PCDHGB5: variants seen among roughly 807,000 people sequenced by gnomAD.
PCDHGB5 encodes protocadherin gamma subfamily B, 5.
PCDHGB5 carries 48 observed loss-of-function variants against 62.9 expected under a neutral mutation model. That is an observed-to-expected ratio of 0.76 (90% CI 0.61 to 0.97). The LOEUF (loss-of-function observed/expected upper bound fraction) is 0.97. Among genes scored for constraint, PCDHGB5 ranks in the 50% least tolerant of loss-of-function variants. The pLI is 0.00. For synonymous variants in PCDHGB5, 474 were observed against 511.2 expected (o/e 0.93, Z 0.98); for missense variants, 1,118 against 1,198.6 (o/e 0.93, Z 0.99).
At chr5:141,461,394 G>A (rs2099014614) in intron 1 of PCDHGB5, among the ~76,000 whole-genome samples, 1 of 152,098 alleles carries the variant, frequency 6.6e-6, no homozygotes. Flanking sequence ...GATTAGCGAT[G>A]TTGAGCATTT....
At chr5:141,422,473 G>A (rs2096650443) in intron 1 of PCDHGB5, 7 of 1,613,740 alleles carry the variant, frequency 4.3e-6, no homozygotes, top group Non-Finnish European at 5.1e-6. Context: ...CAGGGAGTTG[G>A]TCCAGAGCTA....
intron 2 of PCDHGB5, among the ~76,000 whole-genome samples, chr5:141,496,467 TC>T (rs1289225541): frequency 1.3e-5 from 2 of 152,176 alleles, no homozygotes; most frequent in Admixed American, 1.3e-4. Flanking sequence ...GAGTTATCTT[TC>T]CCCCATCCTG....
Position 141,400,290 on chromosome 5 carries a change from C to T in PCDHGB5, c.2163C>T (p.Ser721=). Residue 721 remains serine (S), a synonymous_variant, in exon 1 of 4, where the codon AGC becomes AGT. Transcript: ENST00000617380. The stretch of plus-strand genomic sequence containing the variant: ...GCTCCTCCAGCCCTGCCGCCTGGAG[C>T]TGCTTCCAACCTGGTCTCTGTGTCA... ...LRRSSSPAAW[S]CFQPGLCVKS... is the part of the protein sequence containing the mutation. The T allele has an allele frequency of 1.9e-6, 3 of 1,614,090 alleles. No individual in the cohort carries two copies. The highest frequency in any genetic ancestry group is 2.5e-6 in the Non-Finnish European group (3 of 1,179,910).
chr5:141,403,713 A>C (rs2094445702), intron 1 of PCDHGB5: 3 of 1,613,946 alleles, frequency 1.9e-6, no homozygotes, highest in Non-Finnish European at 2.5e-6. Flanking sequence ...GTCCTTGAGA[A>C]CGTGCCCCCA....
chr5:141,450,278 G>A (rs977381598), intron 1 of PCDHGB5, among the ~76,000 whole-genome samples: 1 of 152,026 alleles, frequency 6.6e-6, no homozygotes, highest in Non-Finnish European at 1.5e-5. Flanking sequence ...TCAGCTAAGT[G>A]CTGGGATTAC....
intron 1 of PCDHGB5, chr5:141,403,095 T>A (rs754367041): frequency 6.2e-7 from 1 of 1,614,026 alleles, no homozygotes; most frequent in East Asian, 2.2e-5. Flanking sequence ...GTGGGCAACA[T>A]CTCCAAGGAC....
intron 1 of PCDHGB5, among the ~76,000 whole-genome samples, chr5:141,460,963 G>A (rs760674165): frequency 3.0e-4 from 27 of 89,804 alleles, no homozygotes; most frequent in Admixed American, 4.3e-4. Context: ...ATATATATAT[G>A]TGTGTGTGTG....
chr5:141,421,359 C>A (rs2096566292), intron 1 of PCDHGB5: 6 of 1,614,012 alleles, frequency 3.7e-6, no homozygotes, highest in Non-Finnish European at 5.1e-6. Context: ...AAAAGGGCTC[C>A]TTCGTGGGCA....
rs9324852 is a variant in PCDHGB5, at chr5:141,510,333, C to T, written c.2546-614C>T. On this transcript the variant is annotated intron_variant, in intron 3 of 3. Coordinates refer to ENST00000617380, the MANE Select transcript of PCDHGB5 (RefSeq NM_018925.3). ...AGGCTTGGAAGAGCACTCTTCACCC[C>T]CACCCCACACACTTACTAACGGAAC... Among the ~76,000 whole-genome samples the T allele has an allele frequency of 2.4e-3, 367 of 151,698 alleles. 1 individual carries two copies. Among genetic ancestry groups the T allele is most frequent in the African/African-American group, 8.4e-3 (348 of 41,384 alleles).
At chr5:141,422,638 T>C (rs1412270971) in intron 1 of PCDHGB5, 1 of 1,612,392 alleles carries the variant, frequency 6.2e-7, no homozygotes, top group Non-Finnish European at 8.5e-7. Context: ...CAGGGGTGCC[T>C]CCATCTTCTC....
chr5:141,504,158 T>G (rs890874880), intron 2 of PCDHGB5, among the ~76,000 whole-genome samples: 1 of 152,222 alleles, frequency 6.6e-6, no homozygotes, highest in Non-Finnish European at 1.5e-5. Context: ...TGAAATAATT[T>G]CATCCTTGGA....
At chr5:141,415,863 GTGT>G in intron 1 of PCDHGB5, 1 of 1,107,154 alleles carries the variant, frequency 9.0e-7, no homozygotes, top group Non-Finnish European at 1.2e-6. Flanking sequence ...GTAGTTTATA[GTGT>G]TGTTGAGTAC....
chr5:141,456,390 T>G (rs1007800936), intron 1 of PCDHGB5, among the ~76,000 whole-genome samples: 2 of 152,114 alleles, frequency 1.3e-5, no homozygotes, highest in African/African-American at 4.8e-5. Context: ...CGTTTGGAGT[T>G]TGATTGCTTC....
At chr5:141,406,989 T>C (rs1402069577) in intron 1 of PCDHGB5, among the ~76,000 whole-genome samples, 2 of 152,236 alleles carry the variant, frequency 1.3e-5, no homozygotes, top group Non-Finnish European at 2.9e-5. Context: ...TCACAAGACA[T>C]TTGAAAATAA....
At chr5:141,452,909 TAC>T (rs1370071626) in intron 1 of PCDHGB5, among the ~76,000 whole-genome samples, 2 of 152,232 alleles carry the variant, frequency 1.3e-5, no homozygotes, top group African/African-American at 4.8e-5. Context: ...GTTGGCATTA[TAC>T]AGTAAGAAAG....
intron 1 of PCDHGB5, chr5:141,479,209 A>T (rs1314929824): frequency 6.6e-6 from 1 of 152,432 alleles, no homozygotes; most frequent in African/African-American, 2.4e-5. Context: ...AAAAGTATTT[A>T]AAAAATTAAA....
intron 1 of PCDHGB5, among the ~76,000 whole-genome samples, chr5:141,467,039 A>G (rs1467529268): frequency 2.6e-5 from 4 of 150,960 alleles, no homozygotes; most frequent in Non-Finnish European, 5.9e-5. Context: ...TTTTTTGTGT[A>G]ATGAATCAAT....
At chr5:141,481,229 A>T (rs989963485) in intron 1 of PCDHGB5, among the ~76,000 whole-genome samples, 1 of 152,212 alleles carries the variant, frequency 6.6e-6, no homozygotes, top group Non-Finnish European at 1.5e-5. Flanking sequence ...TCCCAGCCTT[A>T]AAGTATTACA....
chr5:141,493,641 G>A lies in PCDHGB5; in HGVS notation c.2398-1166G>A, dbSNP rs547664603. Among the ~76,000 whole-genome samples, 2 of 152,240 alleles carry A rather than the reference G, an allele frequency of 1.3e-5. No individual in the cohort carries two copies. The highest frequency in any genetic ancestry group is 3.9e-4 in the East Asian group (2 of 5,172). On this transcript the variant is annotated intron_variant, in intron 1 of 3. Coordinates refer to ENST00000617380, the MANE Select transcript of PCDHGB5 (RefSeq NM_018925.3). The surrounding 1 kb of genome is among the most constrained non-coding windows in gnomAD (Gnocchi z 4.3). The stretch of plus-strand genomic sequence containing the variant: ...CTAAGAATACAGTGGCTGAGGGCTG[G>A]CCATCCCTGTGCCCTTCTCCATGGC...
Sources: gnomAD v4.1 joint callset for allele counts (sites outside exome capture counted in the v4.1 genomes callset) on GRCh38, gnomAD v4.1.1 for gene constraint, Gnocchi (gnomAD v3.1) non-coding constraint, MANE v1.5 for transcripts, NCBI Gene and HGNC (gene_info 2026-07-23, HGNC 2026-07-21) for gene names.